The following MYCT1 variants were observed in gnomAD, a reference collection of about 807,000 sequenced individuals.
MYCT1 encodes MYC target 1, also known as myc target protein 1.
MYCT1 carries 12 observed loss-of-function variants against 15.0 expected under a neutral mutation model. The observed-to-expected ratio is 0.80, with a 90% CI of 0.51 to 1.29. The LOEUF (loss-of-function observed/expected upper bound fraction) is 1.29. Ranked by LOEUF, MYCT1 falls within the 50% of genes most tolerant of loss-of-function variation. The pLI, the probability that MYCT1 is intolerant of heterozygous loss-of-function variation, is 0.00. For missense variants in MYCT1, 287 were observed against 279.1 expected (o/e 1.03, Z -0.20); for synonymous variants, 104 against 102.7 (o/e 1.01, Z -0.07).
the MYCT1 span, among the ~76,000 whole-genome samples, chr6:152,731,993 A>G: frequency 6.6e-6 from 1 of 152,154 alleles, no homozygotes; most frequent in Non-Finnish European, 1.5e-5. Context: ...CAAACTACAG[A>G]GTGAAGGATG....
chr6:152,745,427 C>T, the MYCT1 span, among the ~76,000 whole-genome samples: 2 of 152,026 alleles, frequency 1.3e-5, no homozygotes, highest in African/African-American at 2.4e-5. Context: ...TGTGCCACTG[C>T]CATCCAGCCT....
At chr6:152,737,799 C>G in the MYCT1 span, among the ~76,000 whole-genome samples, 1 of 152,124 alleles carries the variant, frequency 6.6e-6, no homozygotes, top group African/African-American at 2.4e-5. Context: ...GCATCCAGAG[C>G]AGCTAATATA....
intron 1 of MYCT1, among the ~76,000 whole-genome samples, chr6:152,715,417 G>A (rs2099723461): frequency 6.7e-6 from 1 of 150,084 alleles, no homozygotes; most frequent in South Asian, 2.2e-4. Context: ...CAAGCCTTTT[G>A]TTTATTTGAC....
intron 1 of MYCT1, among the ~76,000 whole-genome samples, chr6:152,703,118 T>C (rs1217529867): frequency 1.3e-5 from 2 of 152,198 alleles, no homozygotes; most frequent in Admixed American, 1.3e-4. Context: ...ACTTTTCTAT[T>C]ACTGGGAAAG....
At chr6:152,714,777 T>C (rs1228871428) in intron 1 of MYCT1, among the ~76,000 whole-genome samples, 2 of 151,450 alleles carry the variant, frequency 1.3e-5, no homozygotes, top group Non-Finnish European at 2.9e-5. Flanking sequence ...TGACTTGTAA[T>C]TTATTATTTA....
At chr6:152,713,083 C>T (rs968102938) in intron 1 of MYCT1, among the ~76,000 whole-genome samples, 9 of 151,954 alleles carry the variant, frequency 5.9e-5, no homozygotes, top group African/African-American at 2.2e-4. Context: ...TAGAGGCTTG[C>T]TTTTTCCCCC....
chr6:152,714,305 CT>C (rs5880998), intron 1 of MYCT1, among the ~76,000 whole-genome samples: 30,543 of 118,944 alleles, frequency 0.26, 2,499 homozygotes, highest in South Asian at 0.37. Flanking sequence ...TTTTCTTTTT[CT>C]TTTTTTTTTT....
chr6:152,716,612 C>T (rs1318397736), intron 1 of MYCT1, among the ~76,000 whole-genome samples: 2 of 152,080 alleles, frequency 1.3e-5, no homozygotes, highest in South Asian at 2.1e-4. Context: ...TTGGAAGACA[C>T]GAACGTGGCT....
the MYCT1 span, among the ~76,000 whole-genome samples, chr6:152,736,446 G>T: frequency 6.6e-6 from 1 of 152,048 alleles, no homozygotes; most frequent in African/African-American, 2.4e-5. Flanking sequence ...TCACTTCCGT[G>T]GTCCTGTGAG....
chr6:152,722,750 T>C lies in MYCT1; in HGVS notation c.*497T>C, dbSNP rs1301375618. ...ACAATCTTAGATTTTTCTTTTTTTT[T>C]CTTTTGAGACAGGGTCTTGATCCGT... On this transcript the variant is annotated 3_prime_UTR_variant, in exon 2 of 2. Transcript: ENST00000367245. 2 of 414,806 alleles carry C rather than the reference T, an allele frequency of 4.8e-6. No individual in the cohort carries two copies. Among genetic ancestry groups the C allele is most frequent in the East Asian group, 8.0e-5 (1 of 12,512 alleles). 25.7% of individuals were successfully genotyped at this position (414,806 alleles called of 1,614,324 possible). A position where few individuals can be genotyped will look rare whatever the true frequency, so the allele number is the denominator to read the frequency against.
the MYCT1 span, among the ~76,000 whole-genome samples, chr6:152,740,006 T>A: frequency 6.6e-6 from 1 of 152,074 alleles, no homozygotes; most frequent in African/African-American, 2.4e-5. Context: ...TACAGACTCC[T>A]TCTTAAATAT....
chr6:152,729,107 AT>A (rs1298777009), downstream of MYCT1, among the ~76,000 whole-genome samples: 1 of 152,206 alleles, frequency 6.6e-6, no homozygotes, highest in African/African-American at 2.4e-5. Flanking sequence ...AGAAACACTC[AT>A]GTTTTGAAGC....
chr6:152,701,795 G>A (rs1324834901), intron 1 of MYCT1, among the ~76,000 whole-genome samples: 4 of 152,088 alleles, frequency 2.6e-5, no homozygotes, highest in Admixed American at 2.6e-4. Flanking sequence ...TTTCCTTTCT[G>A]TAAATCCCTC....
the MYCT1 span, among the ~76,000 whole-genome samples, chr6:152,739,448 A>G: frequency 6.6e-6 from 1 of 151,886 alleles, no homozygotes; most frequent in African/African-American, 2.4e-5. Flanking sequence ...TTTGATATAG[A>G]TTGATGTATC....
At chr6:152,707,204 G>A (rs1339587536) in intron 1 of MYCT1, among the ~76,000 whole-genome samples, 1 of 152,096 alleles carries the variant, frequency 6.6e-6, no homozygotes, top group Non-Finnish European at 1.5e-5. Context: ...ATTTTGGCAT[G>A]TGTGAGATGA....
At chr6:152,707,659 A>C (rs981987956) in intron 1 of MYCT1, among the ~76,000 whole-genome samples, 2 of 151,630 alleles carry the variant, frequency 1.3e-5, no homozygotes, top group African/African-American at 4.8e-5. Context: ...ATCCAGTTTG[A>C]CTTGATTTTT....
intron 1 of MYCT1, among the ~76,000 whole-genome samples, chr6:152,716,037 C>A (rs189063509): frequency 6.6e-6 from 1 of 152,120 alleles, no homozygotes; most frequent in Non-Finnish European, 1.5e-5. Flanking sequence ...CTGCATTGAG[C>A]ACATTGTTGG....
the MYCT1 span, among the ~76,000 whole-genome samples, chr6:152,732,721 G>A: frequency 6.6e-6 from 1 of 152,188 alleles, no homozygotes; most frequent in Non-Finnish European, 1.5e-5. Flanking sequence ...TATAAGAAAG[G>A]CAGAGGAAGA....
intron 1 of MYCT1, among the ~76,000 whole-genome samples, chr6:152,705,380 T>A (rs2099722078): frequency 6.6e-6 from 1 of 152,182 alleles, no homozygotes; most frequent in Non-Finnish European, 1.5e-5. Context: ...GTACAGTTTC[T>A]ACTGAATGCT....
Sources: gnomAD v4.1 joint callset for allele counts (sites outside exome capture counted in the v4.1 genomes callset) on GRCh38, gnomAD v4.1.1 for gene constraint, MANE v1.5 for transcripts, NCBI Gene and HGNC (gene_info 2026-07-23, HGNC 2026-07-21) for gene names.